R3HDM1: variants seen among roughly 807,000 people sequenced by gnomAD.
R3HDM1 encodes the protein R3H domain containing 1.
A neutral mutation model predicts 141.1 loss-of-function variants in R3HDM1; 46 were observed. That is an observed-to-expected ratio of 0.33 (90% CI 0.26 to 0.42). The LOEUF (loss-of-function observed/expected upper bound fraction) is 0.42, where lower values mean the gene tolerates loss of function less well. Ranked by LOEUF, R3HDM1 falls within the 10% of genes least tolerant of loss-of-function variation. The pLI is 1.00. For synonymous variants in R3HDM1, 435 were observed against 472.9 expected (o/e 0.92, Z 1.04); for missense variants, 1,184 against 1,368.3 (o/e 0.87, Z 2.12).
intron 1 of R3HDM1, chr2:135,584,292 C>G (rs1483204630): frequency 1.4e-6 from 1 of 723,284 alleles, no homozygotes; most frequent in Admixed American, 6.3e-5. Context: ...TGTGCCACTG[C>G]TCTCCAGCCT....
chr2:135,623,918 T>C (rs546800633), intron 7 of R3HDM1, among the ~76,000 whole-genome samples: 10 of 152,344 alleles, frequency 6.6e-5, no homozygotes, highest in Non-Finnish European at 1.3e-4. Flanking sequence ...TTTTGGAATA[T>C]GTCACTGAAA....
At chr2:135,674,393 TAA>T (rs2105339974) in intron 19 of R3HDM1, among the ~76,000 whole-genome samples, 1 of 152,352 alleles carries the variant, frequency 6.6e-6, no homozygotes, top group South Asian at 2.1e-4. Context: ...TTCATCTTTG[TAA>T]AAACTTTTCA....
rs181257615 is a variant in R3HDM1 at position 135,723,768 on chromosome 2, C to T, written c.3050-169C>T. Among the ~76,000 whole-genome samples the T allele has an allele frequency of 5.0e-3, 546 of 109,920 alleles. 6 individuals are homozygous for T. The highest frequency in any genetic ancestry group is 0.02 in the African/African-American group (512 of 25,586). 72.1% of individuals were successfully genotyped at this position (109,920 alleles called of 152,430 possible). On this transcript the variant is annotated intron_variant, in intron 26 of 26. Coordinates refer to ENST00000683871, the MANE Select transcript of R3HDM1 (RefSeq NM_001378107.1). ...CTCCAGCCTGGGAGACAGAGTCAGA[C>T]TCCATCTCCCAAAAAAAAAAAAAAA...
At chr2:135,699,075 T>TTAGATAGATAGA (rs59211429) in intron 21 of R3HDM1, among the ~76,000 whole-genome samples, 7,796 of 132,014 alleles carry the variant, frequency 0.059, 376 homozygotes, top group East Asian at 0.14. Context: ...ATTAGATAGA[T>TTAGATAGATAGA]TAGATAGATA....
intron 1 of R3HDM1, among the ~76,000 whole-genome samples, chr2:135,597,806 T>C (rs2059317883): frequency 6.6e-6 from 1 of 152,180 alleles, no homozygotes; most frequent in Non-Finnish European, 1.5e-5. Flanking sequence ...CGAGATTTCT[T>C]TCCCACATAT....
intron 24 of R3HDM1, chr2:135,721,631 A>G (rs1314628863): frequency 9.2e-6 from 2 of 216,312 alleles, no homozygotes; most frequent in Non-Finnish European, 1.9e-5. Flanking sequence ...TCCGTCACCC[A>G]GTCTGGAATA....
At chr2:135,557,292 A>G (rs1363837296) in intron 1 of R3HDM1, among the ~76,000 whole-genome samples, 1 of 151,358 alleles carries the variant, frequency 6.6e-6, no homozygotes, top group Non-Finnish European at 1.5e-5. Flanking sequence ...TACTGTCCAT[A>G]TTTAACGTAA....
Position 135,638,748 on chromosome 2 carries a change from C to T in R3HDM1, c.951C>T (p.Asp317=), listed in dbSNP as rs775056095. Residue 317 remains aspartate (D), a synonymous_variant, in exon 13 of 27, where the codon GAC becomes GAT. Coordinates refer to ENST00000683871, the MANE Select transcript of R3HDM1 (RefSeq NM_001378107.1). The stretch of plus-strand genomic sequence containing the variant: ...ATTAAAATGCCAACAGACTCCAAGA[C>T]GAGGATGCCAGTAGTACCCAGCAGA... ...ENYIIDKRLQ[D]EDASSTQQRR... is the part of the protein sequence containing the mutation. The T allele has an allele frequency of 2.2e-5, 36 of 1,613,904 alleles. No homozygotes were observed. The highest frequency in any genetic ancestry group is 8.8e-5 in the South Asian group (8 of 91,062).
At position 135,624,381 on chromosome 2, in the gene R3HDM1, G is replaced by A. The variant is rs186816272; in HGVS notation, c.497+1649G>A. Among the ~76,000 whole-genome samples the A allele has an allele frequency of 2.5e-3, 368 of 144,448 alleles. 2 individuals carry two copies. Among genetic ancestry groups the A allele is most frequent in the Admixed American group, 4.5e-3 (62 of 13,830 alleles). The allele number at this position is 144,448 out of a possible 152,430, so 94.8% of individuals were successfully genotyped here. The stretch of plus-strand genomic sequence containing the variant: ...TGCACTCCAGCCTGGGCGACAGGGC[G>A]AGACTCCGTCTCAAAAAAAAAAAAA... On this transcript the variant is annotated intron_variant, in intron 7 of 26. Coordinates refer to ENST00000683871, the MANE Select transcript of R3HDM1 (RefSeq NM_001378107.1).
At chr2:135,654,902 G>A (rs7560535) in intron 18 of R3HDM1, among the ~76,000 whole-genome samples, 26,057 of 146,120 alleles carry the variant, frequency 0.18, 2,960 homozygotes, top group African/African-American at 0.3. Context: ...GTGTGTGTGT[G>A]TTTGTCTTTT....
At chr2:135,592,549 CAG>C (rs1709514614) in intron 1 of R3HDM1, among the ~76,000 whole-genome samples, 1 of 151,960 alleles carries the variant, frequency 6.6e-6, no homozygotes, top group Non-Finnish European at 1.5e-5. Context: ...GTAAACAATC[CAG>C]TATGGAAACA....
Position 135,611,150 on chromosome 2 carries a change from G to A in R3HDM1, c.172-5002G>A, listed in dbSNP as rs1465260789. Among the ~76,000 whole-genome samples, 4 of 151,326 alleles carry A rather than the reference G, an allele frequency of 2.6e-5. No homozygotes were observed. In the East Asian group the frequency reaches 5.8e-4, roughly 22 times the overall value. On this transcript the variant is annotated intron_variant, in intron 3 of 26. Coordinates refer to ENST00000683871, the MANE Select transcript of R3HDM1 (RefSeq NM_001378107.1). Reference sequence around the variant, plus strand: ...AAAAAAAAAAAGGATGGCTGCGCACGGTGGTTCACGCCTGTAATCCCAGCA... The same window carrying A: ...AAAAAAAAAAAGGATGGCTGCGCACAGTGGTTCACGCCTGTAATCCCAGCA...
rs79050404 is a variant in R3HDM1, at chr2:135,592,141, T to A, written c.-249-10359T>A. Among the ~76,000 whole-genome samples the A allele has an allele frequency of 1.4e-3, 206 of 152,290 alleles. 1 individual carries two copies. In the East Asian group the frequency reaches 0.027, roughly 20 times the overall value. On this transcript the variant is annotated intron_variant, in intron 1 of 26. Coordinates refer to ENST00000683871, the MANE Select transcript of R3HDM1 (RefSeq NM_001378107.1). ...CCAACTTTCTAATTAACATGTTTAG[T>A]CTTTCCAGCCAGTCCCCATCTGGAA...
chr2:135,722,049 C>A, intron 25 of R3HDM1, 43 bp downstream of exon 25: 2 of 1,562,908 alleles, frequency 1.3e-6, no homozygotes, highest in Non-Finnish European at 1.8e-6. Context: ...TGCAGAACAT[C>A]ATAGCTCCCT....
At chr2:135,715,229 G>T (rs996014979) in intron 23 of R3HDM1, among the ~76,000 whole-genome samples, 1 of 152,108 alleles carries the variant, frequency 6.6e-6, no homozygotes, top group African/African-American at 2.4e-5. Flanking sequence ...GGTGCCTGTA[G>T]TCCCAGCTAC....
At position 135,649,912 on chromosome 2, in the gene R3HDM1, C is replaced by T. The variant is rs1475073631; in HGVS notation, c.1634C>T (p.Pro545Leu). 7.9e-7 allele frequency: 1 copy of T among 1,267,760 alleles called. No homozygotes were observed. The highest frequency in any genetic ancestry group is 1.5e-5 in the African/African-American group (1 of 64,928). 78.5% of individuals were successfully genotyped at this position (1,267,760 alleles called of 1,614,324 possible). ...CCTGTTATTCTTTAGCCTGTTCATC[C>T]TCTGCAGTCCTCTTCACAGCCTGTT... ...ANHIFSQPVH[P>L]LQSSSQPVQY... The change falls in exon 17 of 27, where the codon CCT becomes CTT. Residue 545 changes from proline (P) to leucine (L), a missense_variant. By Grantham distance (98) the Pro-to-Leu change is moderately conservative. This residue lies in a region of R3HDM1 where 563 missense variants were observed against 562.0 expected (regional missense o/e 1.00). Transcript: ENST00000683871.
intron 19 of R3HDM1, among the ~76,000 whole-genome samples, chr2:135,673,103 AAAAC>A (rs138006501): frequency 0.052 from 7,864 of 152,214 alleles, 271 homozygotes; most frequent in Middle Eastern, 0.19. Context: ...ACTGCATCTG[AAAAC>A]AAACAAACAA....
chr2:135,715,603 A>G lies in R3HDM1; in HGVS notation c.2790A>G (p.Pro930=), dbSNP rs1314414496. 1.9e-6 allele frequency: 3 copies of G among 1,614,006 alleles called. No individual in the cohort carries two copies. Among genetic ancestry groups the G allele is most frequent in the Non-Finnish European group, 2.5e-6 (3 of 1,179,998 alleles). ...TTTCACCAGCTCAGTCGCCAGCACC[A>G]GCTCAGCTGTCCACCCTGAAAACTG... ...PIISPAQSPA[P]AQLSTLKTVR... Residue 930 remains proline (P), a synonymous_variant, in exon 24 of 27, where the codon CCA becomes CCG. Transcript: ENST00000683871.
At chr2:135,560,498 G>C (rs1307270285) in intron 1 of R3HDM1, among the ~76,000 whole-genome samples, 1 of 152,092 alleles carries the variant, frequency 6.6e-6, no homozygotes, top group Non-Finnish European at 1.5e-5. Flanking sequence ...ATTTTTAGTA[G>C]AGACGGGGTT....
Sources: gnomAD v4.1 joint callset for allele counts (sites outside exome capture counted in the v4.1 genomes callset) on GRCh38, gnomAD v4.1.1 for gene constraint, gnomAD v4.1.1 regional missense constraint, MANE v1.5 for transcripts, NCBI Gene and HGNC (gene_info 2026-07-23, HGNC 2026-07-21) for gene names.